Variants in WWP1 observed in about 807,000 individuals in gnomAD.
WWP1 encodes NEDD4-like E3 ubiquitin-protein ligase WWP1.
Under a neutral mutation model 130.6 loss-of-function variants are expected in WWP1, and 49 were observed. That is an observed-to-expected ratio of 0.38 (90% CI 0.30 to 0.48). WWP1 has a LOEUF of 0.48. WWP1 is among the 20% of genes least tolerant of loss of function. The pLI, the probability that WWP1 is intolerant of heterozygous loss-of-function variation, is 0.99. For synonymous variants in WWP1, 332 were observed against 367.8 expected (o/e 0.90, Z 1.11); for missense variants, 809 against 1,100.6 (o/e 0.74, Z 3.75).
At chr8:86,351,600 A>G (rs1822925663) in intron 1 of WWP1, among the ~76,000 whole-genome samples, 1 of 150,644 alleles carries the variant, frequency 6.6e-6, no homozygotes, top group African/African-American at 2.4e-5. Flanking sequence ...TAGTGCTGGG[A>G]TTTACAGGCA....
At chr8:86,344,445 G>C (rs1367290943) in intron 1 of WWP1, among the ~76,000 whole-genome samples, 1 of 152,180 alleles carries the variant, frequency 6.6e-6, no homozygotes, top group Non-Finnish European at 1.5e-5. Flanking sequence ...TTGTACAGTT[G>C]TTAAGCATTT....
intron 5 of WWP1, among the ~76,000 whole-genome samples, chr8:86,393,270 G>A (rs1180606214): frequency 6.6e-6 from 1 of 151,912 alleles, no homozygotes; most frequent in Non-Finnish European, 1.5e-5. Context: ...GCACTGGCAC[G>A]ATCTCGGCTC....
intron 21 of WWP1, among the ~76,000 whole-genome samples, chr8:86,453,386 A>T (rs149105634): frequency 1.3e-5 from 2 of 152,158 alleles, no homozygotes; most frequent in Non-Finnish European, 2.9e-5. Flanking sequence ...TTTTAGACTG[A>T]ATAATACTCC....
rs144069737 is a variant in WWP1 at position 86,417,855 on chromosome 8, A to G, written c.1061+5981A>G. 2.3e-3 allele frequency among the ~76,000 whole-genome samples: 347 copies of G among 152,178 alleles called. 4 individuals carry two copies. Among genetic ancestry groups the G allele is most frequent in the Middle Eastern group, 3.4e-3 (1 of 294 alleles). On this transcript the variant is annotated intron_variant, in intron 9 of 24. Transcript: ENST00000517970. ...AGCAAATATTTGAGAGCCTTGTTCT[A>G]GGCATGTGCAGCAGGGCAGGAGAGC...
intron 9 of WWP1, among the ~76,000 whole-genome samples, chr8:86,423,841 GGCT>G (rs1809394179): frequency 7.1e-6 from 1 of 140,732 alleles, no homozygotes; most frequent in Admixed American, 7.0e-5. Context: ...ACGGGGCGGC[GGCT>G]GGGCAGAGGC....
At chr8:86,440,330 G>C (rs557307893) in intron 17 of WWP1, among the ~76,000 whole-genome samples, 7 of 152,206 alleles carry the variant, frequency 4.6e-5, no homozygotes, top group Admixed American at 2.6e-4. Flanking sequence ...TGGTGGGCTA[G>C]ATTCATCAAA....
At chr8:86,452,445 T>A (rs1811223797) in intron 20 of WWP1, 114 bp from the exon 21 acceptor site, 1 of 865,576 alleles carries the variant, frequency 1.2e-6, no homozygotes, top group East Asian at 2.7e-5. Flanking sequence ...ATTTATATGT[T>A]TATATATATG....
intron 9 of WWP1, among the ~76,000 whole-genome samples, chr8:86,419,389 G>C (rs374747317): frequency 3.9e-5 from 6 of 152,366 alleles, no homozygotes; most frequent in African/African-American, 1.4e-4. Flanking sequence ...CTGCAGTCCA[G>C]CTTGGGTGAC....
intron 9 of WWP1, 128 bp downstream of exon 9, chr8:86,412,002 T>C (rs1227348795): frequency 1.1e-6 from 1 of 891,784 alleles, no homozygotes; most frequent in African/African-American, 1.7e-5. Flanking sequence ...ATCTGAATCA[T>C]ACTATTTATT....
intron 8 of WWP1, among the ~76,000 whole-genome samples, chr8:86,404,597 T>A (rs748105819): frequency 9.2e-5 from 14 of 152,218 alleles, no homozygotes; most frequent in Non-Finnish European, 1.5e-4. Context: ...ATAATTCTCA[T>A]GACATTCATA....
intron 16 of WWP1, among the ~76,000 whole-genome samples, chr8:86,438,095 C>T (rs759592971): frequency 4.6e-4 from 70 of 152,288 alleles, no homozygotes; most frequent in Non-Finnish European, 7.9e-4. Flanking sequence ...GCACCACACC[C>T]GGCCTGTATA....
intron 14 of WWP1, among the ~76,000 whole-genome samples, chr8:86,433,669 T>C (rs7833049): frequency 0.73 from 111,059 of 151,928 alleles, 41,429 homozygotes; most frequent in African/African-American, 0.83. Flanking sequence ...ATCACCTTGT[T>C]ATGGTGGCTC....
intron 21 of WWP1, among the ~76,000 whole-genome samples, chr8:86,457,237 C>A (rs958932044): frequency 2.0e-5 from 3 of 151,834 alleles, no homozygotes; most frequent in Non-Finnish European, 4.4e-5. Flanking sequence ...GGTTGTTTGA[C>A]AATTTCACAT....
chr8:86,457,429 G>GTCTATCTATCTA (rs768730517), intron 21 of WWP1, among the ~76,000 whole-genome samples: 4 of 42,548 alleles, frequency 9.4e-5, no homozygotes, highest in African/African-American at 3.5e-4. Context: ...CTGTCTGTCT[G>GTCTATCTATCTA]TCTATCTATC....
At chr8:86,428,200 G>C (rs559767014) in intron 11 of WWP1, among the ~76,000 whole-genome samples, 1 of 152,236 alleles carries the variant, frequency 6.6e-6, no homozygotes, top group South Asian at 2.1e-4. Context: ...CAGTCTTGCA[G>C]TATGCTACCT....
intron 5 of WWP1, among the ~76,000 whole-genome samples, chr8:86,385,272 G>A (rs1825214325): frequency 6.6e-6 from 1 of 152,146 alleles, no homozygotes; most frequent in Non-Finnish European, 1.5e-5. Flanking sequence ...TCCAGTGGAG[G>A]GATGTTCTGC....
At chr8:86,444,502 A>G (rs571805800) in intron 18 of WWP1, among the ~76,000 whole-genome samples, 39 of 152,322 alleles carry the variant, frequency 2.6e-4, no homozygotes, top group Non-Finnish European at 4.9e-4. Flanking sequence ...AAGTTGTTCA[A>G]GGACAATTAT....
At chr8:86,398,086 A>G (rs73271028) in intron 5 of WWP1, among the ~76,000 whole-genome samples, 8,249 of 152,268 alleles carry the variant, frequency 0.054, 382 homozygotes, top group African/African-American at 0.12. Context: ...AGTTTAGACA[A>G]TTGCTACACT....
At position 86,466,936 on chromosome 8, in the gene WWP1, C is replaced by A; in HGVS notation, c.*43C>A. 1 of 1,467,300 alleles carries A rather than the reference C, an allele frequency of 6.8e-7. No individual in the cohort carries two copies. Among genetic ancestry groups the A allele is most frequent in the East Asian group, 2.3e-5 (1 of 43,868 alleles). 90.9% of individuals were successfully genotyped at this position (1,467,300 alleles called of 1,614,324 possible). On this transcript the variant is annotated 3_prime_UTR_variant, in exon 25 of 25. Transcript: ENST00000517970. ...GGAGGAGCTCTTGCATTTAAATACCCCAGCCAAGAAAAATTGCACAGATAG... is the reference window on the plus strand; with the variant it reads ...GGAGGAGCTCTTGCATTTAAATACCACAGCCAAGAAAAATTGCACAGATAG...
Sources: gnomAD v4.1 joint callset for allele counts (sites outside exome capture counted in the v4.1 genomes callset) on GRCh38, gnomAD v4.1.1 for gene constraint, MANE v1.5 for transcripts, NCBI Gene and HGNC (gene_info 2026-07-23, HGNC 2026-07-21) for gene names.